NREP: variants seen among roughly 807,000 people sequenced by gnomAD.
NREP encodes neuronal regeneration-related protein.
A neutral mutation model predicts 8.6 loss-of-function variants in NREP; 5 were observed. The observed-to-expected ratio is 0.58, with a 90% CI of 0.30 to 1.22. The LOEUF is 1.22. NREP is among the 50% of genes most tolerant of loss of function. The probability of loss-of-function intolerance (pLI) is 0.07; values close to 1 mark genes in which losing one functional copy is unlikely to be tolerated. For missense variants in NREP, 86 were observed against 82.5 expected, an observed-to-expected ratio of 1.04 and a Z score of -0.17; for synonymous variants, 27 against 28.0, an observed-to-expected ratio of 0.96 and a Z score of 0.11.
chr5:111,852,397 G>C (rs926748947), intron 2 of NREP, among the ~76,000 whole-genome samples: 1 of 152,094 alleles, frequency 6.6e-6, no homozygotes, highest in African/African-American at 2.4e-5. Flanking sequence ...ACACTCTGAC[G>C]AGGGGCGCAG....
intron 2 of NREP, among the ~76,000 whole-genome samples, chr5:111,869,895 T>C (rs1187756325): frequency 1.3e-5 from 2 of 152,214 alleles, no homozygotes; most frequent in Admixed American, 1.3e-4. Flanking sequence ...TGAAGAAATA[T>C]GTATCTGCAG....
intron 3 of NREP, 40 bp from the exon 4 acceptor site, chr5:111,731,086 A>C: frequency 4.4e-6 from 7 of 1,598,816 alleles, no homozygotes; most frequent in Non-Finnish European, 6.0e-6. Flanking sequence ...AGACACACAT[A>C]AAAGACAAAA....
chr5:111,874,044 G>A (rs780029969), intron 2 of NREP, among the ~76,000 whole-genome samples: 4 of 152,098 alleles, frequency 2.6e-5, no homozygotes, highest in Admixed American at 6.6e-5. Flanking sequence ...TCCCAGGGAC[G>A]GGAGGGTGGG....
intron 2 of NREP, among the ~76,000 whole-genome samples, chr5:111,968,028 C>G (rs1756694308): frequency 6.6e-6 from 1 of 152,126 alleles, no homozygotes; most frequent in African/African-American, 2.4e-5. Context: ...CTAGGCTTCT[C>G]TTCATTTCCT....
At chr5:111,925,391 G>C (rs1581224091) in intron 2 of NREP, among the ~76,000 whole-genome samples, 1 of 152,254 alleles carries the variant, frequency 6.6e-6, no homozygotes, top group Non-Finnish European at 1.5e-5. Flanking sequence ...CACATGGATA[G>C]CAATTAGTGG....
At chr5:111,762,692 C>T (rs1450283342), upstream of NREP, among the ~76,000 whole-genome samples, 2 of 152,050 alleles carry the variant, frequency 1.3e-5, no homozygotes, top group South Asian at 2.1e-4. Flanking sequence ...GAAACAAACC[C>T]CAGTGACACC....
At chr5:111,784,882 G>T (rs1242684110) in intron 2 of NREP, among the ~76,000 whole-genome samples, 2 of 152,152 alleles carry the variant, frequency 1.3e-5, no homozygotes, top group Non-Finnish European at 2.9e-5. Flanking sequence ...AAAGTATGAT[G>T]ATTCTATCTG....
intron 2 of NREP, among the ~76,000 whole-genome samples, chr5:111,929,147 T>C (rs1205321401): frequency 6.6e-6 from 1 of 152,164 alleles, no homozygotes; most frequent in Admixed American, 6.5e-5. Context: ...AGATTACACA[T>C]TGAATTCTAC....
At chr5:111,826,857 C>G (rs1752640579) in intron 2 of NREP, among the ~76,000 whole-genome samples, 1 of 152,050 alleles carries the variant, frequency 6.6e-6, no homozygotes, top group Non-Finnish European at 1.5e-5. Flanking sequence ...TTGAGCTTTT[C>G]CCCCATTTTA....
chr5:111,838,052 A>T (rs78698877), intron 2 of NREP, among the ~76,000 whole-genome samples: 6,976 of 152,194 alleles, frequency 0.046, 549 homozygotes, highest in African/African-American at 0.16. Context: ...CAAAAGAAAT[A>T]TGTGTGCCAT....
At chr5:111,961,126 A>G (rs1409070212) in intron 2 of NREP, among the ~76,000 whole-genome samples, 3 of 152,140 alleles carry the variant, frequency 2.0e-5, no homozygotes, top group African/African-American at 7.2e-5. Flanking sequence ...AGGCCCAAAG[A>G]GGTGACAAGA....
chr5:111,916,363 C>G (rs1755057747), intron 2 of NREP, among the ~76,000 whole-genome samples: 2 of 151,968 alleles, frequency 1.3e-5, no homozygotes, highest in Admixed American at 1.3e-4. Context: ...GCATATATGG[C>G]CAGCACTCCC....
At chr5:111,781,321 C>T (rs967550493) in intron 2 of NREP, among the ~76,000 whole-genome samples, 3 of 152,126 alleles carry the variant, frequency 2.0e-5, no homozygotes, top group African/African-American at 4.8e-5. Flanking sequence ...GCCTGCTCTT[C>T]GAACAGTGCC....
chr5:111,938,857 A>T (rs753178613), intron 2 of NREP, among the ~76,000 whole-genome samples: 11 of 152,074 alleles, frequency 7.2e-5, no homozygotes, highest in Non-Finnish European at 1.3e-4. Context: ...AAACCTTTTG[A>T]CAAGCAATTA....
chr5:111,760,850 G>T (rs1248079689), upstream of NREP, among the ~76,000 whole-genome samples: 1 of 152,200 alleles, frequency 6.6e-6, no homozygotes, highest in Non-Finnish European at 1.5e-5. Context: ...TTGCTCAGTA[G>T]AAAAGGATGT....
intron 2 of NREP, among the ~76,000 whole-genome samples, chr5:111,896,897 A>G (rs1168211085): frequency 6.6e-6 from 1 of 152,206 alleles, no homozygotes; most frequent in South Asian, 2.1e-4. Context: ...ATGATTTATT[A>G]TCCTTAGTCC....
In NREP at chr5:111,888,183, G is replaced by C. The variant is rs1754307093; in HGVS notation, c.135+87091C>G. 1.3e-5 allele frequency among the ~76,000 whole-genome samples: 2 copies of C among 152,092 alleles called. 1 individual carries two copies. The highest frequency in any genetic ancestry group is 4.1e-4 in the South Asian group (2 of 4,822). ...AGTCTCTTATCTTTTAAATTATGAA[G>C]CATTAATGATTGCCAATAATTATCT... On this transcript the variant is annotated intron_variant, in intron 2 of 3. Transcript: ENST00000395634.
At chr5:111,774,498 A>T (rs1751312141) in intron 2 of NREP, among the ~76,000 whole-genome samples, 4 of 152,186 alleles carry the variant, frequency 2.6e-5, no homozygotes, top group Admixed American at 6.5e-5. Context: ...CTTTAAAAAC[A>T]TAGAACCTCC....
intron 2 of NREP, among the ~76,000 whole-genome samples, chr5:111,783,131 G>A (rs565749173): frequency 6.6e-6 from 1 of 152,190 alleles, no homozygotes; most frequent in South Asian, 2.1e-4. Flanking sequence ...CAACCCTCCA[G>A]ACTATAGGTG....
Sources: allele counts gnomAD v4.1 joint callset (sites outside exome capture counted in the v4.1 genomes callset), GRCh38; gene constraint gnomAD v4.1.1; transcripts MANE v1.5; gene names NCBI Gene and HGNC (gene_info 2026-07-23, HGNC 2026-07-21).